The following TBC1D9B variants were observed in gnomAD, a reference collection of about 807,000 sequenced individuals.
TBC1D9B encodes the protein TBC1 domain family member 9B, also known as TBC1 domain family, member 9B (with GRAM domain).
TBC1D9B carries 87 observed loss-of-function variants against 121.1 expected under a neutral mutation model. That is an observed-to-expected ratio of 0.72 (90% confidence interval 0.60 to 0.86). TBC1D9B has a LOEUF of 0.86. Ranked by LOEUF, TBC1D9B falls within the 40% of genes least tolerant of loss-of-function variation. The pLI is 0.00. For synonymous variants in TBC1D9B, 668 were observed against 670.1 expected, an observed-to-expected ratio of 1.00 and a Z score of 0.05; for missense variants, 1,540 against 1,628.6, an observed-to-expected ratio of 0.95 and a Z score of 0.94.
chr5:179,894,686 C>G (rs1760972109), intron 3 of TBC1D9B, 72 bp from the exon 4 acceptor site: 1 of 1,480,616 alleles, frequency 6.8e-7, no homozygotes, highest in African/African-American at 1.4e-5. Context: ...AGCAGAGAGG[C>G]CCAGGGAACC....
At chr5:179,897,743 CTAT>C (rs1761059533) in intron 3 of TBC1D9B, among the ~76,000 whole-genome samples, 1 of 152,254 alleles carries the variant, frequency 6.6e-6, no homozygotes, top group Non-Finnish European at 1.5e-5. Context: ...GTCACAACTA[CTAT>C]TATTATCATC....
At chr5:179,876,460 A>G (rs1157986583) in intron 10 of TBC1D9B, among the ~76,000 whole-genome samples, 1 of 152,228 alleles carries the variant, frequency 6.6e-6, no homozygotes, top group Non-Finnish European at 1.5e-5. Context: ...GAGGTGAGCC[A>G]CAAGGCCAGA....
chr5:179,889,982 G>A (rs1354438234), intron 6 of TBC1D9B, among the ~76,000 whole-genome samples: 1 of 151,998 alleles, frequency 6.6e-6, no homozygotes, highest in Non-Finnish European at 1.5e-5. Flanking sequence ...GAAGGGCTGA[G>A]CTCTGCGGGG....
In TBC1D9B at chr5:179,863,712, G is replaced by C. The variant is rs775473676; in HGVS notation, c.3438C>G (p.Gly1146=). 1.3e-5 allele frequency: 21 copies of C among 1,613,408 alleles called. No homozygotes were observed. The highest frequency in any genetic ancestry group is 5.0e-5 in the Admixed American group (3 of 59,994). The change falls in exon 21 of 21, where the codon GGC becomes GGG. Residue 1146 remains glycine, a synonymous_variant. Transcript: ENST00000355235. The surrounding 1 kb of genome is among the most constrained non-coding windows in gnomAD (Gnocchi z 4.5). ...CTGCAAGGTCTTCACATTGCAGGGA[G>C]CCCGTGCTGACCACCGAGTAGGAGG... ...SMSSYSVVST[G]SLQCEDLADD... is the part of the protein sequence containing the mutation.
At position 179,875,790 on chromosome 5, in the gene TBC1D9B, G is replaced by A. The variant is rs1760340762; in HGVS notation, c.1900+130C>T. 6.2e-6 allele frequency: 4 copies of A among 640,786 alleles called. No homozygotes were observed. The highest frequency in any genetic ancestry group is 7.8e-6 in the Non-Finnish European group (3 of 386,276). 39.7% of individuals were successfully genotyped at this position (640,786 alleles called of 1,614,324 possible). ...AGGGGACTTTTATAAACCACCGAAT[G>A]TGTAATACTACCCTCTAACTCCTAG... On this transcript the variant is annotated intron_variant, in intron 11 of 20. Transcript: ENST00000355235. This position sits in a 1 kb window ranked among gnomAD's most constrained non-coding sequence, Gnocchi z 4.5.
chr5:179,868,053 T>C, intron 17 of TBC1D9B: 1 of 433,988 alleles, frequency 2.3e-6, no homozygotes, highest in Non-Finnish European at 4.0e-6. Flanking sequence ...AGCTTTTTTT[T>C]TTTTAATGGA....
Position 179,869,593 on chromosome 5 carries a change from C to G in TBC1D9B, c.2791+176G>C, listed in dbSNP as rs745561743. The G allele has an allele frequency of 9.5e-6, 7 of 737,880 alleles. No homozygotes were observed. The South Asian group carries it at 1.0e-4, about 11-fold the overall frequency. 45.7% of individuals were successfully genotyped at this position (737,880 alleles called of 1,614,324 possible). A position where few individuals can be genotyped will look rare whatever the true frequency, so the allele number is the denominator to read the frequency against. ...TCCCTTCCCAGGCCAAGGCCCTGCT[C>G]TCAGACCTCTGTGAAGTGCTCAAGC... On this transcript the variant is annotated intron_variant, in intron 17 of 20. Coordinates refer to ENST00000355235, the MANE Select transcript of TBC1D9B (RefSeq NM_015043.4).
At chr5:179,866,105 G>T in intron 18 of TBC1D9B, 1 of 552,966 alleles carries the variant, frequency 1.8e-6, no homozygotes, top group Non-Finnish European at 3.2e-6. Context: ...CACTTGGTCA[G>T]GTTAAAATAA....
At chr5:179,866,179 G>A (rs185907109) in intron 18 of TBC1D9B, 108 of 386,622 alleles carry the variant, frequency 2.8e-4, no homozygotes, top group South Asian at 2.5e-3. Context: ...TGGTTTTGAC[G>A]TGAACAATGA....
At chr5:179,880,783 T>A (rs1208805828) in intron 7 of TBC1D9B, among the ~76,000 whole-genome samples, 3 of 126,916 alleles carry the variant, frequency 2.4e-5, no homozygotes, top group Non-Finnish European at 5.0e-5. Flanking sequence ...ACACCCACAG[T>A]CTACCCCTCT....
chr5:179,892,727 G>A (rs182192228), intron 5 of TBC1D9B, among the ~76,000 whole-genome samples: 1 of 152,186 alleles, frequency 6.6e-6, no homozygotes, highest in Non-Finnish European at 1.5e-5. Context: ...TGGCCAAGGA[G>A]TCTCAGGGTA....
rs748945342 is a variant in TBC1D9B, at chr5:179,890,355, C to G, written c.1044+1024G>C. 6.6e-6 allele frequency among the ~76,000 whole-genome samples: 1 copy of G among 152,172 alleles called. No individual in the cohort carries two copies. The highest frequency in any genetic ancestry group is 1.5e-5 in the Non-Finnish European group (1 of 68,034). The stretch of plus-strand genomic sequence containing the variant: ...TCTACCATCTGAGATGTCAAGGGCC[C>G]GGCAGGAGAAATCCAAACGGAGCCT... On this transcript the variant is annotated intron_variant, in intron 6 of 20. Coordinates refer to ENST00000355235, the MANE Select transcript of TBC1D9B (RefSeq NM_015043.4). This position sits in a 1 kb window ranked among gnomAD's most constrained non-coding sequence, Gnocchi z 5.0.
chr5:179,873,940 G>A (rs1760279882), intron 12 of TBC1D9B, among the ~76,000 whole-genome samples: 1 of 152,178 alleles, frequency 6.6e-6, no homozygotes, highest in African/African-American at 2.4e-5. Context: ...CCGGCCACAG[G>A]CTGAGTATCT....
At chr5:179,900,592 C>T (rs1206490989) in intron 2 of TBC1D9B, among the ~76,000 whole-genome samples, 2 of 152,210 alleles carry the variant, frequency 1.3e-5, no homozygotes, top group Non-Finnish European at 2.9e-5. Flanking sequence ...TGGGGGAACA[C>T]AGGGTTAGGT....
At chr5:179,871,360 C>T in intron 15 of TBC1D9B, 102 bp downstream of exon 15, 1 of 1,180,702 alleles carries the variant, frequency 8.5e-7, no homozygotes, top group Non-Finnish European at 1.2e-6. Flanking sequence ...ATTCTATTCC[C>T]TATTTCTATC....
intron 10 of TBC1D9B, among the ~76,000 whole-genome samples, chr5:179,877,171 G>A (rs1437967463): frequency 6.7e-6 from 1 of 149,334 alleles, no homozygotes; most frequent in Non-Finnish European, 1.5e-5. Flanking sequence ...GATCACTTGA[G>A]CCTAGGAGTT....
At chr5:179,872,441 G>C (rs1333644333) in intron 14 of TBC1D9B, 1 of 176,938 alleles carries the variant, frequency 5.7e-6, no homozygotes, top group Non-Finnish European at 1.2e-5. Context: ...CCTGCCTTTG[G>C]GGGCAGAGAC....
chr5:179,881,044 C>T lies in TBC1D9B; in HGVS notation c.1255-1255G>A, dbSNP rs562177628. Among the ~76,000 whole-genome samples, 5 of 152,066 alleles carry T rather than the reference C, an allele frequency of 3.3e-5. No individual in the cohort carries two copies. The South Asian group carries it at 8.3e-4, about 25-fold the overall frequency. On this transcript the variant is annotated intron_variant, in intron 7 of 20. Coordinates refer to ENST00000355235, the MANE Select transcript of TBC1D9B (RefSeq NM_015043.4). ...CGCCGGGTGTGTGGCGTGCAGCAGA[C>T]GTGTGCTCCTGGCCAGGGAAGGGGC...
chr5:179,872,827 C>G, intron 14 of TBC1D9B, 65 bp downstream of exon 14: 1 of 1,530,006 alleles, frequency 6.5e-7, no homozygotes, highest in Non-Finnish European at 9.0e-7. Flanking sequence ...ACCCACCCTG[C>G]TCTGTGGGGA....
Sources: gnomAD v4.1 joint callset for allele counts (sites outside exome capture counted in the v4.1 genomes callset) on GRCh38, gnomAD v4.1.1 for gene constraint, Gnocchi (gnomAD v3.1) non-coding constraint, MANE v1.5 for transcripts, NCBI Gene and HGNC (gene_info 2026-07-23, HGNC 2026-07-21) for gene names.